Variants in ST18 observed in about 807,000 individuals in gnomAD.
ST18 encodes the protein ST18 C2H2C-type zinc finger transcription factor, also known as suppression of tumorigenicity 18 protein.
In ST18, 50 loss-of-function variants were observed where a neutral mutation model predicts 110.0. The ratio of observed to expected loss-of-function variants is 0.45; its 90% CI spans 0.36 to 0.58. The LOEUF is 0.58. ST18 is among the 20% of genes least tolerant of loss of function. ST18 has a pLI of 0.00. For missense variants in ST18, 1,306 were observed against 1,280.1 expected (o/e 1.02, Z -0.31); for synonymous variants, 461 against 452.4 (o/e 1.02, Z -0.24).
Position 52,165,368 on chromosome 8 carries a change from A to T in ST18, c.1205-143T>A, listed in dbSNP as rs1297118085. On this transcript the variant is annotated intron_variant, in intron 11 of 25. Transcript: ENST00000689386. Reference sequence around the variant, plus strand: ...CTCTCTCTCTATTCAGACACAAACAAGTGAGCATGGAAGAACTTCAGAAAT... The same window carrying T: ...CTCTCTCTCTATTCAGACACAAACATGTGAGCATGGAAGAACTTCAGAAAT... The T allele has an allele frequency of 4.0e-6, 3 of 756,068 alleles. No individual in the cohort carries two copies. In the East Asian group the frequency reaches 7.4e-5, roughly 19 times the overall value. 46.8% of individuals were successfully genotyped at this position (756,068 alleles called of 1,614,324 possible).
chr8:52,245,936 G>A (rs984993239), intron 2 of ST18, among the ~76,000 whole-genome samples: 11 of 151,968 alleles, frequency 7.2e-5, no homozygotes, highest in Admixed American at 3.3e-4. Context: ...ATATGAGATC[G>A]GAAATTCTCA....
chr8:52,245,316 A>T (rs1209579351), intron 2 of ST18, among the ~76,000 whole-genome samples: 2 of 152,120 alleles, frequency 1.3e-5, no homozygotes, highest in African/African-American at 4.8e-5. Flanking sequence ...TATTCTATTT[A>T]AAAAATTAAC....
chr8:52,297,881 G>T (rs1447646930), intron 2 of ST18, among the ~76,000 whole-genome samples: 1 of 152,248 alleles, frequency 6.6e-6, no homozygotes, highest in African/African-American at 2.4e-5. Flanking sequence ...AATGAGAGCT[G>T]TTCACAGAAG....
intron 2 of ST18, among the ~76,000 whole-genome samples, chr8:52,299,571 T>C (rs62499819): frequency 0.12 from 18,200 of 152,278 alleles, 1,462 homozygotes; most frequent in Middle Eastern, 0.24. Flanking sequence ...TGCTCTGTTA[T>C]TTCTCTTATT....
rs1255107406 is a variant in ST18, at chr8:52,357,666, A to AAAATCTAT, written c.-465+51654_-465+51661dup. 5.9e-5 allele frequency among the ~76,000 whole-genome samples: 7 copies of AAAATCTAT among 118,728 alleles called. No homozygotes were observed. The South Asian group carries it at 8.4e-4, about 14-fold the overall frequency. The allele number at this position is 118,728 out of a possible 152,430, so 77.9% of individuals were successfully genotyped here. ...ACATATTTACACATAACAAATCCCC[A>AAAATCTAT]AAATCTATAAATATATATATATATA... On this transcript the variant is annotated intron_variant, in intron 2 of 25. Transcript: ENST00000689386.
intron 2 of ST18, among the ~76,000 whole-genome samples, chr8:52,234,473 C>G (rs1383010053): frequency 2.6e-5 from 4 of 152,004 alleles, no homozygotes; most frequent in Non-Finnish European, 5.9e-5. Flanking sequence ...CTATCTTGAC[C>G]AGGCTGGTCT....
chr8:52,187,472 C>T lies in ST18; in HGVS notation c.87-7160G>A, dbSNP rs140724159. On this transcript the variant is annotated intron_variant, in intron 8 of 25. Coordinates refer to ENST00000689386, the MANE Select transcript of ST18 (RefSeq NM_001352837.2). ...ACTATTCAATGATTTAATGAGCAGA[C>T]TTGCTCCAGTGAGTGAACACAGCCA... is the stretch of plus-strand genomic sequence containing the variant. Among the ~76,000 whole-genome samples the T allele has an allele frequency of 4.7e-4, 72 of 152,334 alleles. No homozygotes were observed. In the East Asian group the frequency reaches 0.011, roughly 22 times the overall value.
At chr8:52,264,433 T>C (rs1392937268) in intron 2 of ST18, among the ~76,000 whole-genome samples, 2 of 152,188 alleles carry the variant, frequency 1.3e-5, no homozygotes, top group African/African-American at 2.4e-5. Flanking sequence ...GCTCTAGTCT[T>C]TCTTGGGTGG....
intron 15 of ST18, among the ~76,000 whole-genome samples, chr8:52,157,949 G>A (rs2060432920): frequency 6.6e-6 from 1 of 152,240 alleles, no homozygotes; most frequent in Admixed American, 6.5e-5. Flanking sequence ...ACATAAAGCA[G>A]GGTAACATTT....
At position 52,116,490 on chromosome 8, in the gene ST18, A is replaced by G. The variant is rs572834609; in HGVS notation, c.2860-72T>C. On this transcript the variant is annotated intron_variant, in intron 24 of 25. Coordinates refer to ENST00000689386, the MANE Select transcript of ST18 (RefSeq NM_001352837.2). ...AGTGTAAAAGGTTTCTCCCTGAAGGAAAATGCACCAAGTGCATCTGAATAC... is the reference window on the plus strand; with the variant it reads ...AGTGTAAAAGGTTTCTCCCTGAAGGGAAATGCACCAAGTGCATCTGAATAC... 16 of 1,471,138 alleles carry G rather than the reference A, an allele frequency of 1.1e-5. No homozygotes were observed. In the African/African-American group the frequency reaches 1.8e-4, roughly 17 times the overall value. The allele number at this position is 1,471,138 out of a possible 1,614,324, so 91.1% of individuals were successfully genotyped here.
At chr8:52,125,516 C>T (rs963772116) in intron 23 of ST18, among the ~76,000 whole-genome samples, 4 of 152,116 alleles carry the variant, frequency 2.6e-5, no homozygotes, top group South Asian at 2.1e-4. Context: ...TAGGGCCTCT[C>T]GCAGTTGTCC....
At position 52,111,187 on chromosome 8, in the gene ST18, G is replaced by C. The variant is rs2040440221; in HGVS notation, c.*2011C>G. Reference sequence around the variant, plus strand: ...AGCAAATTATAGTAATAAATATGTAGGTTGGTAAGAGATTTCTTTTAAATT... The same window carrying C: ...AGCAAATTATAGTAATAAATATGTACGTTGGTAAGAGATTTCTTTTAAATT... On this transcript the variant is annotated 3_prime_UTR_variant, in exon 26 of 26. Transcript: ENST00000689386. The C allele has an allele frequency of 2.6e-6, 1 of 383,664 alleles. No individual in the cohort carries two copies. The highest frequency in any genetic ancestry group is 2.1e-5 in the African/African-American group (1 of 48,288). 23.8% of individuals were successfully genotyped at this position (383,664 alleles called of 1,614,324 possible).
At chr8:52,149,115 C>CGAAG (rs1294594649) in intron 16 of ST18, among the ~76,000 whole-genome samples, 1 of 152,186 alleles carries the variant, frequency 6.6e-6, no homozygotes, top group Non-Finnish European at 1.5e-5. Context: ...AGCCATAAGG[C>CGAAG]GAAGGTTAGA....
chr8:52,301,907 G>C (rs111619458), intron 2 of ST18: 1 of 152,292 alleles, frequency 6.6e-6, no homozygotes, highest in African/African-American at 2.4e-5. Flanking sequence ...GTAAGGAGGT[G>C]GCGTGGGCAC....
chr8:52,196,011 T>G (rs2076078258), intron 8 of ST18, among the ~76,000 whole-genome samples: 1 of 152,218 alleles, frequency 6.6e-6, no homozygotes, highest in African/African-American at 2.4e-5. Flanking sequence ...TTCCCTCATT[T>G]AGTATTTCAT....
At position 52,138,611 on chromosome 8, in the gene ST18, TAGTTAGTTATCCTTAGC is replaced by T. The variant is rs200421475; in HGVS notation, c.2169-1145_2169-1129del. On this transcript the variant is annotated intron_variant, in intron 17 of 25. Transcript: ENST00000689386. ...AAATAATAATAATCATGTAAGAAGG[TAGTTAGTTATCCTTAGC>T]AGTTTTCTTCCACAATTAATAGATT... Among the ~76,000 whole-genome samples, 123 of 152,336 alleles carry T rather than the reference TAGTTAGTTATCCTTAGC, an allele frequency of 8.1e-4. No individual in the cohort carries two copies. The East Asian group carries it at 0.015, about 18-fold the overall frequency.
intron 23 of ST18, among the ~76,000 whole-genome samples, chr8:52,124,309 G>C (rs557726360): frequency 6.6e-6 from 1 of 151,890 alleles, no homozygotes; most frequent in Admixed American, 6.5e-5. Context: ...TGAGTAGCTC[G>C]GACTACAGGT....
chr8:52,283,464 G>A (rs1469493559), intron 2 of ST18, among the ~76,000 whole-genome samples: 1 of 152,124 alleles, frequency 6.6e-6, no homozygotes, highest in African/African-American at 2.4e-5. Context: ...TAATTGAGAA[G>A]GAAGGAAGAG....
At chr8:52,324,258 C>T (rs189784795) in intron 2 of ST18, among the ~76,000 whole-genome samples, 73 of 151,864 alleles carry the variant, frequency 4.8e-4, no homozygotes, top group Non-Finnish European at 5.1e-4. Flanking sequence ...AATTGCAAGA[C>T]AATAAGAAAA....
Sources: gnomAD v4.1 joint callset for allele counts (sites outside exome capture counted in the v4.1 genomes callset) on GRCh38, gnomAD v4.1.1 for gene constraint, MANE v1.5 for transcripts, NCBI Gene and HGNC (gene_info 2026-07-23, HGNC 2026-07-21) for gene names.